OSBPL1A: variants seen among roughly 807,000 people sequenced by gnomAD.
OSBPL1A encodes oxysterol binding protein like 1A, also known as oxysterol-binding protein-related protein 1.
A neutral mutation model predicts 137.1 loss-of-function variants in OSBPL1A; 80 were observed. That is an observed-to-expected ratio of 0.58 (90% CI 0.49 to 0.70). The LOEUF is 0.70. Ranked by LOEUF, OSBPL1A falls within the 30% of genes least tolerant of loss-of-function variation. The pLI, the probability that OSBPL1A is intolerant of heterozygous loss-of-function variation, is 0.00. For synonymous variants in OSBPL1A, 365 were observed against 389.7 expected (o/e 0.94, Z 0.75); for missense variants, 970 against 1,129.4 (o/e 0.86, Z 2.02).
chr18:24,307,772 A>G (rs2090530825), intron 13 of OSBPL1A, among the ~76,000 whole-genome samples: 1 of 152,150 alleles, frequency 6.6e-6, no homozygotes, highest in South Asian at 2.1e-4. Context: ...TTAGTTGGGA[A>G]TCAGTTATTC....
chr18:24,264,448 G>A (rs564937786), intron 15 of OSBPL1A, among the ~76,000 whole-genome samples: 1 of 152,182 alleles, frequency 6.6e-6, no homozygotes, highest in African/African-American at 2.4e-5. Context: ...AATTCAGTGA[G>A]GGCCATTTTT....
chr18:24,177,922 G>T, intron 21 of OSBPL1A, 91 bp downstream of exon 21: 3 of 1,280,668 alleles, frequency 2.3e-6, no homozygotes, highest in African/African-American at 1.5e-5. Flanking sequence ...TTTTTCTCCA[G>T]CTTTTGAACA....
At chr18:24,268,894 CT>C (rs542511668) in intron 15 of OSBPL1A, among the ~76,000 whole-genome samples, 307 of 152,334 alleles carry the variant, frequency 2.0e-3, no homozygotes, top group Middle Eastern at 6.8e-3. Context: ...GACAATCTTA[CT>C]TGAACATAAT....
In OSBPL1A at chr18:24,311,309, G is replaced by A. The variant is rs537307332; in HGVS notation, c.1092+675C>T. 56 of 246,052 alleles carry A rather than the reference G, an allele frequency of 2.3e-4. 2 individuals are homozygous for A. The highest frequency in any genetic ancestry group is 9.5e-4 in the African/African-American group (41 of 43,204). The allele number at this position is 246,052 out of a possible 1,614,324, so 15.2% of individuals were successfully genotyped here. The stretch of plus-strand genomic sequence containing the variant: ...AGTAGGCAAATTCATATATCCTGAC[G>A]TAATTATTCAGACTGAAACTCATCA... On this transcript the variant is annotated intron_variant, in intron 13 of 27. Transcript: ENST00000319481.
intron 2 of OSBPL1A, among the ~76,000 whole-genome samples, chr18:24,369,943 C>G (rs959400106): frequency 6.6e-6 from 1 of 152,156 alleles, no homozygotes; most frequent in Non-Finnish European, 1.5e-5. Flanking sequence ...CACTGCTGGC[C>G]GAGCATGGTG....
Position 24,332,502 on chromosome 18 carries a change from A to C in OSBPL1A, c.625+440T>G, listed in dbSNP as rs139387234. ...CCTTATGAAGAAAACTTTACTCAAGAGTGAGCTATGATGCTGTTGGCTATG... is the reference window on the plus strand; with the variant it reads ...CCTTATGAAGAAAACTTTACTCAAGCGTGAGCTATGATGCTGTTGGCTATG... On this transcript the variant is annotated intron_variant, in intron 7 of 27. Transcript: ENST00000319481. 4.3e-3 allele frequency among the ~76,000 whole-genome samples: 643 copies of C among 149,470 alleles called. 5 individuals are homozygous for C. The highest frequency in any genetic ancestry group is 0.015 in the African/African-American group (617 of 40,664).
chr18:24,309,070 T>A (rs1331485244), intron 13 of OSBPL1A, among the ~76,000 whole-genome samples: 2 of 152,084 alleles, frequency 1.3e-5, no homozygotes, highest in East Asian at 3.9e-4. Context: ...CGTGCCCAGC[T>A]GAATAACTGA....
intron 16 of OSBPL1A, among the ~76,000 whole-genome samples, chr18:24,230,638 G>A (rs1021605554): frequency 6.6e-6 from 1 of 152,120 alleles, no homozygotes; most frequent in Non-Finnish European, 1.5e-5. Flanking sequence ...TACATAGCTA[G>A]ACTTCAGACA....
chr18:24,241,497 C>T (rs950379387), intron 15 of OSBPL1A, among the ~76,000 whole-genome samples: 2 of 152,142 alleles, frequency 1.3e-5, no homozygotes, highest in African/African-American at 2.4e-5. Flanking sequence ...CAAAAGAAGG[C>T]GTTTATGCAG....
chr18:24,388,508 T>C (rs929395586), intron 1 of OSBPL1A, among the ~76,000 whole-genome samples: 1 of 151,966 alleles, frequency 6.6e-6, no homozygotes, highest in Non-Finnish European at 1.5e-5. Flanking sequence ...TTTTAAAAAT[T>C]TGTACTGCCA....
At position 24,170,364 on chromosome 18, in the gene OSBPL1A, T is replaced by A. The variant is rs746396352; in HGVS notation, c.2381A>T (p.Asp794Val). 6.2e-7 allele frequency: 1 copy of A among 1,614,206 alleles called. No homozygotes were observed. The highest frequency in any genetic ancestry group is 1.7e-5 in the Admixed American group (1 of 60,018). Reference protein sequence around the residue: ...PATFDAYKKNDKKNTEEKKNS... With the variant: ...PATFDAYKKNVKKNTEEKKNS... ...CTTCTTCTCTTCTGTATTTTTCTTA[T>A]CATTTTTTTTGTAAGCGTCAAACGT... Residue 794 changes from aspartate (D) to valine (V), a missense_variant, in exon 24 of 28, where the codon GAT (aspartate) becomes GTT (valine). By Grantham distance (152) the Asp-to-Val change is radical. Coordinates refer to ENST00000319481, the MANE Select transcript of OSBPL1A (RefSeq NM_080597.4).
chr18:24,170,928 G>A (rs905361685), intron 23 of OSBPL1A, among the ~76,000 whole-genome samples: 11 of 112,044 alleles, frequency 9.8e-5, no homozygotes, highest in Non-Finnish European at 2.2e-4. Flanking sequence ...GAATACAGGC[G>A]TGAGCCACTG....
rs543522146 is a variant in OSBPL1A at position 24,386,275 on chromosome 18, T to C, written c.-2-8740A>G. ...ACCAAGAAAAGGAAAAATCAACAAC[T>C]CACGTTGCCTTGTGCCTAAAGCCCA... On this transcript the variant is annotated intron_variant, in intron 1 of 27. Coordinates refer to ENST00000319481, the MANE Select transcript of OSBPL1A (RefSeq NM_080597.4). Among the ~76,000 whole-genome samples, 11 of 152,250 alleles carry C rather than the reference T, an allele frequency of 7.2e-5. No homozygotes were observed. The South Asian group carries it at 1.7e-3, about 23-fold the overall frequency.
intron 24 of OSBPL1A, among the ~76,000 whole-genome samples, chr18:24,169,110 G>A (rs781636281): frequency 2.0e-5 from 3 of 152,192 alleles, no homozygotes; most frequent in Admixed American, 6.5e-5. Flanking sequence ...CCGTGGGCAG[G>A]AACATGGGAT....
At chr18:24,322,791 T>C (rs1355691235) in intron 7 of OSBPL1A, among the ~76,000 whole-genome samples, 1 of 152,144 alleles carries the variant, frequency 6.6e-6, no homozygotes, top group Non-Finnish European at 1.5e-5. Context: ...ATGTCTAAAA[T>C]GCCTGGCACA....
intron 15 of OSBPL1A, among the ~76,000 whole-genome samples, chr18:24,250,647 C>T (rs976912036): frequency 7.2e-5 from 11 of 152,232 alleles, no homozygotes; most frequent in African/African-American, 2.4e-4. Flanking sequence ...GCCTCAGAGA[C>T]TTGCTGGCTT....
intron 13 of OSBPL1A, among the ~76,000 whole-genome samples, chr18:24,310,539 T>C (rs549285373): frequency 3.4e-5 from 5 of 147,850 alleles, no homozygotes; most frequent in Non-Finnish European, 7.4e-5. Context: ...GAGGTGGAAC[T>C]TGCAGTGAGC....
At chr18:24,243,523 G>C (rs1599552863) in intron 15 of OSBPL1A, among the ~76,000 whole-genome samples, 1 of 152,110 alleles carries the variant, frequency 6.6e-6, no homozygotes, top group African/African-American at 2.4e-5. Flanking sequence ...TTTCAGCAAA[G>C]TAGCAAGATA....
intron 14 of OSBPL1A, among the ~76,000 whole-genome samples, chr18:24,289,001 A>G (rs1484453549): frequency 2.0e-5 from 3 of 152,192 alleles, no homozygotes; most frequent in Non-Finnish European, 4.4e-5. Context: ...GAACTGATCA[A>G]CAAAATATAT....
Sources: allele counts gnomAD v4.1 joint callset (sites outside exome capture counted in the v4.1 genomes callset), GRCh38; gene constraint gnomAD v4.1.1; transcripts MANE v1.5; gene names NCBI Gene and HGNC (gene_info 2026-07-23, HGNC 2026-07-21).